Variants in CHLSN observed in about 807,000 individuals in gnomAD.
CHLSN encodes the protein protein cholesin.
chr7:987,169 C>A, the CHLSN span: 1 of 1,570,928 alleles, frequency 6.4e-7, no homozygotes, highest in Non-Finnish European at 8.6e-7. Context: ...TGGACATGGT[C>A]ATGGCCGGGA....
chr7:1,000,477 C>G, the CHLSN span: 3 of 1,604,292 alleles, frequency 1.9e-6, no homozygotes, highest in South Asian at 3.4e-5. Flanking sequence ...CACCTTGTCA[C>G]TGTCATACAT....
chr7:1,021,539 A>C, the CHLSN span: 51 of 985,296 alleles, frequency 5.2e-5, no homozygotes, highest in Non-Finnish European at 5.4e-5. Context: ...CTGTCCATCC[A>C]CCGCACAGGA....
the CHLSN span, chr7:987,079 C>T: frequency 6.7e-7 from 1 of 1,485,548 alleles, no homozygotes; most frequent in Middle Eastern, 2.0e-4. Flanking sequence ...CCAGATCATC[C>T]CACGAGCCCT....
At chr7:1,080,485 T>A in the CHLSN span, among the ~76,000 whole-genome samples, 1 of 152,102 alleles carries the variant, frequency 6.6e-6, no homozygotes, top group African/African-American at 2.4e-5. Flanking sequence ...GGGAGTCTGA[T>A]CACGGGAGCA....
chr7:1,010,249 G>A, the CHLSN span: 4 of 1,039,656 alleles, frequency 3.8e-6, no homozygotes, highest in East Asian at 1.1e-4. Flanking sequence ...GTGGCCAAAA[G>A]CTCTGTCCCC....
the CHLSN span, among the ~76,000 whole-genome samples, chr7:1,070,417 G>T: frequency 8.4e-6 from 1 of 118,572 alleles, no homozygotes; most frequent in Middle Eastern, 6.8e-3. Flanking sequence ...GCCTCTGCCC[G>T]GCCGCCCCTA....
chr7:1,047,662 G>A, the CHLSN span, among the ~76,000 whole-genome samples: 2 of 152,270 alleles, frequency 1.3e-5, no homozygotes, highest in African/African-American at 2.4e-5. Flanking sequence ...CATGGTGCAT[G>A]GCAGGTTCGG....
chr7:1,036,155 A>G, the CHLSN span, among the ~76,000 whole-genome samples: 1 of 152,204 alleles, frequency 6.6e-6, no homozygotes, highest in Non-Finnish European at 1.5e-5. Flanking sequence ...TGGGGCAGTG[A>G]AGCTGCTGCG....
the CHLSN span, among the ~76,000 whole-genome samples, chr7:1,132,999 G>A: frequency 1.3e-5 from 2 of 152,264 alleles, no homozygotes; most frequent in Non-Finnish European, 1.5e-5. Context: ...ACGGCAGTAT[G>A]TGCCTAATAT....
chr7:1,013,605 C>T, the CHLSN span, among the ~76,000 whole-genome samples: 10 of 152,202 alleles, frequency 6.6e-5, no homozygotes, highest in African/African-American at 1.2e-4. Context: ...GTGTTGTGGG[C>T]GGCTTTGAGC....
chr7:997,359 C>G, the CHLSN span: 1 of 405,590 alleles, frequency 2.5e-6, no homozygotes, highest in Middle Eastern at 6.1e-4. Context: ...CCGGGTGATT[C>G]CAGAGCATCC....
At chr7:1,102,373 G>A in the CHLSN span, among the ~76,000 whole-genome samples, 28 of 152,340 alleles carry the variant, frequency 1.8e-4, no homozygotes, top group African/African-American at 6.7e-4. Flanking sequence ...AAGAAGAAGA[G>A]GAGGGGGAGA....
the CHLSN span, chr7:984,948 A>G: frequency 3.8e-6 from 6 of 1,596,254 alleles, no homozygotes; most frequent in Non-Finnish European, 5.1e-6. Flanking sequence ...ATCTGCCTAC[A>G]GGCATCTTCT....
the CHLSN span, among the ~76,000 whole-genome samples, chr7:1,124,767 G>A: frequency 6.6e-6 from 1 of 150,768 alleles, no homozygotes; most frequent in Non-Finnish European, 1.5e-5. Context: ...AAAAGAGGCA[G>A]TCAGCCTGGG....
the CHLSN span, among the ~76,000 whole-genome samples, chr7:1,070,901 C>T: frequency 6.8e-6 from 1 of 147,192 alleles, no homozygotes; most frequent in Non-Finnish European, 1.5e-5. Flanking sequence ...CGTGCACACA[C>T]ATGCACGCAC....
chr7:1,004,519 C>G, the CHLSN span, among the ~76,000 whole-genome samples: 1 of 151,380 alleles, frequency 6.6e-6, no homozygotes, highest in Non-Finnish European at 1.5e-5. Flanking sequence ...AAGGGCGCCT[C>G]TCTCTCACCG....
the CHLSN span, among the ~76,000 whole-genome samples, chr7:1,097,336 A>C: frequency 2.4e-4 from 37 of 152,318 alleles, 1 homozygote; most frequent in South Asian, 3.5e-3. The surrounding 1 kb of genome is among the most constrained non-coding windows in gnomAD (Gnocchi z 4.3). Context: ...GAAAGGCTCC[A>C]AGAGCACGTC....
chr7:1,045,139 G>T, the CHLSN span, among the ~76,000 whole-genome samples: 2 of 152,232 alleles, frequency 1.3e-5, no homozygotes, highest in Non-Finnish European at 2.9e-5. Context: ...TTCACTGGAA[G>T]GCAGTGCTCT....
At chr7:997,609 C>T in the CHLSN span, 13 of 1,558,574 alleles carry the variant, frequency 8.3e-6, no homozygotes, top group Non-Finnish European at 1.1e-5. Flanking sequence ...AGCGGCCCCG[C>T]CCCGCGCTGA....
Sources: allele counts gnomAD v4.1 joint callset (sites outside exome capture counted in the v4.1 genomes callset), GRCh38; gene constraint gnomAD v4.1.1; non-coding constraint Gnocchi (gnomAD v3.1); transcripts MANE v1.5; gene names NCBI Gene and HGNC (gene_info 2026-07-23, HGNC 2026-07-21).